Variants in NCAM2 observed in about 807,000 individuals in gnomAD.
The protein encoded by NCAM2 is neural cell adhesion molecule 2, also known as N-CAM-2.
NCAM2 carries 30 observed loss-of-function variants against 98.1 expected under a neutral mutation model. That is an observed-to-expected ratio of 0.31 (90% CI 0.23 to 0.41). The LOEUF (loss-of-function observed/expected upper bound fraction) is 0.41. NCAM2 is among the 10% of genes least tolerant of loss of function. The pLI, the probability that NCAM2 is intolerant of heterozygous loss-of-function variation, is 1.00. For missense variants in NCAM2, 867 were observed against 1,005.8 expected (o/e 0.86, Z 1.87); for synonymous variants, 368 against 342.4 (o/e 1.07, Z -0.83).
intron 1 of NCAM2, among the ~76,000 whole-genome samples, chr21:21,122,964 C>T (rs960052331): frequency 6.6e-6 from 1 of 152,200 alleles, no homozygotes; most frequent in South Asian, 2.1e-4. Flanking sequence ...GAACCTTCCT[C>T]AGCTGACTTC....
intron 12 of NCAM2, among the ~76,000 whole-genome samples, chr21:21,466,055 G>T (rs141979076): frequency 3.3e-5 from 5 of 151,968 alleles, no homozygotes; most frequent in Admixed American, 6.6e-5. Flanking sequence ...GAAAATACAA[G>T]TTATGAGTAG....
At chr21:21,259,146 C>T (rs1364612213) in intron 1 of NCAM2, among the ~76,000 whole-genome samples, 5 of 152,140 alleles carry the variant, frequency 3.3e-5, no homozygotes, top group African/African-American at 1.2e-4. Context: ...GGATGTGCAG[C>T]TTGGACTTAC....
In NCAM2 at chr21:21,196,507, A is replaced by G. The variant is rs547494732; in HGVS notation, c.56-84071A>G. Among the ~76,000 whole-genome samples, 63 of 152,232 alleles carry G rather than the reference A, an allele frequency of 4.1e-4. No individual in the cohort carries two copies. The South Asian group carries it at 0.013, about 31-fold the overall frequency. ...GAGCACTAGATGTTTCTTGGACTCTACTTCACAAAGAATCCAAATTGTGAC... is the reference window on the plus strand; with the variant it reads ...GAGCACTAGATGTTTCTTGGACTCTGCTTCACAAAGAATCCAAATTGTGAC... On this transcript the variant is annotated intron_variant, in intron 1 of 17. Coordinates refer to ENST00000400546, the MANE Select transcript of NCAM2 (RefSeq NM_004540.5).
At chr21:21,242,382 G>A (rs2071096498) in intron 1 of NCAM2, among the ~76,000 whole-genome samples, 1 of 152,100 alleles carries the variant, frequency 6.6e-6, no homozygotes, top group African/African-American at 2.4e-5. Context: ...TTTGAAATAT[G>A]CAATGCATTC....
chr21:21,441,044 T>A (rs1979184195), intron 12 of NCAM2, among the ~76,000 whole-genome samples: 1 of 152,178 alleles, frequency 6.6e-6, no homozygotes, highest in Admixed American at 6.5e-5. Context: ...AAATCAAAAT[T>A]TTCAAACATA....
intron 5 of NCAM2, among the ~76,000 whole-genome samples, chr21:21,300,392 G>A (rs2073670308): frequency 6.6e-6 from 1 of 152,040 alleles, no homozygotes; most frequent in Non-Finnish European, 1.5e-5. Flanking sequence ...AACTATCAGT[G>A]CAGAAAATGA....
intron 1 of NCAM2, among the ~76,000 whole-genome samples, chr21:21,196,927 G>T (rs1182127055): frequency 6.6e-6 from 1 of 152,032 alleles, no homozygotes; most frequent in Admixed American, 6.6e-5. Flanking sequence ...GGGAGATCTC[G>T]TTGTTTAAAA....
At chr21:21,335,800 AT>A in intron 7 of NCAM2, 135 bp downstream of exon 7, 1 of 822,646 alleles carries the variant, frequency 1.2e-6, no homozygotes, top group Non-Finnish European at 1.6e-6. Context: ...TGTTTTTTAA[AT>A]TTCAGCTACC....
At chr21:21,150,818 TA>T (rs1269233036) in intron 1 of NCAM2, among the ~76,000 whole-genome samples, 1 of 151,896 alleles carries the variant, frequency 6.6e-6, no homozygotes, top group Non-Finnish European at 1.5e-5. Context: ...TTTATAAAAT[TA>T]ATTGGGAAGT....
At chr21:21,400,808 G>C (rs1352070447) in intron 9 of NCAM2, among the ~76,000 whole-genome samples, 4 of 152,026 alleles carry the variant, frequency 2.6e-5, no homozygotes, top group Admixed American at 1.3e-4. Context: ...TTATAAACAT[G>C]AAATAATTAT....
intron 12 of NCAM2, among the ~76,000 whole-genome samples, chr21:21,462,121 T>C (rs1240348892): frequency 6.6e-6 from 1 of 152,062 alleles, no homozygotes; most frequent in Non-Finnish European, 1.5e-5. Flanking sequence ...TCTGAGGGGA[T>C]TAACACCAAG....
At chr21:21,418,663 G>A in intron 11 of NCAM2, 94 bp downstream of exon 11, 1 of 901,200 alleles carries the variant, frequency 1.1e-6, no homozygotes, top group Non-Finnish European at 1.8e-6. Flanking sequence ...TTACATGTGG[G>A]ATTTAAAACA....
At chr21:21,523,827 C>G (rs1602556483) in intron 16 of NCAM2, among the ~76,000 whole-genome samples, 1 of 151,860 alleles carries the variant, frequency 6.6e-6, no homozygotes, top group East Asian at 1.9e-4. Context: ...ATATAAAATG[C>G]TCAATTGAAA....
At chr21:21,483,521 C>A (rs1010842807) in intron 15 of NCAM2, among the ~76,000 whole-genome samples, 11 of 152,140 alleles carry the variant, frequency 7.2e-5, no homozygotes, top group African/African-American at 2.6e-4. Context: ...ATAAATCCTT[C>A]ATCACTAGAT....
chr21:21,190,334 A>G (rs575031897), intron 1 of NCAM2, among the ~76,000 whole-genome samples: 48 of 152,316 alleles, frequency 3.2e-4, no homozygotes, highest in Admixed American at 1.4e-3. Flanking sequence ...ATCGAGAGCT[A>G]TCTTTGGGCA....
chr21:21,365,327 G>A (rs1199680729), intron 8 of NCAM2, among the ~76,000 whole-genome samples: 1 of 151,340 alleles, frequency 6.6e-6, no homozygotes, highest in Non-Finnish European at 1.5e-5. Context: ...CTGTTGCTTT[G>A]GTTGTGTGGC....
At position 21,375,326 on chromosome 21, in the gene NCAM2, C is replaced by T. The variant is rs890835305; in HGVS notation, c.1195+1313C>T. ...ACAGTTGTTGGAATTTACTAAACTTCGTAACTAAAAGAAAAAAAAAGAAAA... is the reference window on the plus strand; with the variant it reads ...ACAGTTGTTGGAATTTACTAAACTTTGTAACTAAAAGAAAAAAAAAGAAAA... On this transcript the variant is annotated intron_variant, in intron 9 of 17. Transcript: ENST00000400546. 4.8e-4 allele frequency among the ~76,000 whole-genome samples: 72 copies of T among 150,188 alleles called. 1 individual carries two copies. Among genetic ancestry groups the T allele is most frequent in the Non-Finnish European group, 1.0e-4 (7 of 67,470 alleles).
intron 1 of NCAM2, among the ~76,000 whole-genome samples, chr21:21,265,371 C>CAT (rs1166867661): frequency 4.0e-4 from 8 of 20,108 alleles, no homozygotes; most frequent in Non-Finnish European, 6.9e-4. Flanking sequence ...ATTATATATA[C>CAT]ACATACACAT....
At chr21:21,107,825 C>T (rs2066379695) in intron 1 of NCAM2, among the ~76,000 whole-genome samples, 1 of 151,992 alleles carries the variant, frequency 6.6e-6, no homozygotes, top group Non-Finnish European at 1.5e-5. Flanking sequence ...GCTTCAACCA[C>T]GGTGTCACTG....
Sources: gnomAD v4.1 joint callset for allele counts (sites outside exome capture counted in the v4.1 genomes callset) on GRCh38, gnomAD v4.1.1 for gene constraint, MANE v1.5 for transcripts, NCBI Gene and HGNC (gene_info 2026-07-23, HGNC 2026-07-21) for gene names.